The following DDX54 variants were observed in gnomAD, a reference collection of about 807,000 sequenced individuals.
The protein encoded by DDX54 is DEAD-box helicase 54, also known as ATP-dependent RNA helicase DDX54.
DDX54 carries 67 observed loss-of-function variants against 105.5 expected under a neutral mutation model. That is an observed-to-expected ratio of 0.64 (90% confidence interval 0.52 to 0.78). DDX54 has a LOEUF of 0.78. Among genes scored for constraint, DDX54 ranks in the 30% least tolerant of loss-of-function variants. The pLI is 0.00. For missense variants in DDX54, 1,206 were observed against 1,230.5 expected (o/e 0.98, Z 0.30); for synonymous variants, 514 against 509.9 (o/e 1.01, Z -0.11).
At chr12:113,175,257 G>A in intron 7 of DDX54, 100 bp from the exon 8 acceptor site, 1 of 1,462,414 alleles carries the variant, frequency 6.8e-7, no homozygotes, top group African/African-American at 1.4e-5. Flanking sequence ...AGTGTCCCAG[G>A]GCTTGCCTCA....
intron 19 of DDX54, 163 bp from the exon 20 acceptor site, chr12:113,159,272 C>T (rs944707182): frequency 2.1e-5 from 16 of 755,316 alleles, no homozygotes; most frequent in Admixed American, 9.5e-5. Context: ...TTTTAGGCAG[C>T]CTCATGGAGT....
At chr12:113,166,116 C>T in intron 12 of DDX54, 84 bp from the exon 13 acceptor site, 1 of 1,360,702 alleles carries the variant, frequency 7.3e-7, no homozygotes, top group South Asian at 1.3e-5. Context: ...GGGCCTCACC[C>T]TGGCCCCTGA....
In DDX54 at chr12:113,178,574, G is replaced by A. The variant is rs574219760; in HGVS notation, c.614+403C>T. 8.7e-4 allele frequency: 135 copies of A among 154,874 alleles called. 1 individual carries two copies. The highest frequency in any genetic ancestry group is 6.4e-3 in the Middle Eastern group (2 of 312). 9.6% of individuals were successfully genotyped at this position (154,874 alleles called of 1,614,324 possible). A position where few individuals can be genotyped will look rare whatever the true frequency, so the allele number is the denominator to read the frequency against. Reference sequence around the variant, plus strand: ...TTTTTTTTTTTGAGATTGGAGTCTCGCGCTGTCGCCCATGTTGGAGTGCAG... The same window carrying A: ...TTTTTTTTTTTGAGATTGGAGTCTCACGCTGTCGCCCATGTTGGAGTGCAG... On this transcript the variant is annotated intron_variant, in intron 5 of 19. Coordinates refer to ENST00000306014, the MANE Select transcript of DDX54 (RefSeq NM_024072.4).
At chr12:113,180,799 C>G in intron 2 of DDX54, 130 bp downstream of exon 2, 1 of 1,470,076 alleles carries the variant, frequency 6.8e-7, no homozygotes, top group Non-Finnish European at 9.2e-7. Flanking sequence ...GACTGGAGGA[C>G]CACATCTGCT....
In DDX54 at chr12:113,162,011, AGTTGGGAC is replaced by A. The variant is rs1952214744; in HGVS notation, c.2196-22_2196-15del. The A allele has an allele frequency of 1.2e-6, 2 of 1,610,886 alleles. No homozygotes were observed. The highest frequency in any genetic ancestry group is 2.7e-5 in the African/African-American group (2 of 74,596). On this transcript the variant is annotated splice_polypyrimidine_tract_variant and intron_variant, in intron 17 of 19. Coordinates refer to ENST00000306014, the MANE Select transcript of DDX54 (RefSeq NM_024072.4). ...TTCTTACGGTCCCTGCAGGAGAGGG[AGTTGGGAC>A]GGCTGCCGTGGAGGGAAACCCTTGG...
chr12:113,171,016 G>C (rs894797892), intron 11 of DDX54, among the ~76,000 whole-genome samples: 3 of 152,210 alleles, frequency 2.0e-5, no homozygotes, highest in African/African-American at 7.2e-5. Flanking sequence ...AAGGTGTTAT[G>C]ACATTTGGAG....
In DDX54 at chr12:113,178,964, G is replaced by A. The variant is rs1296551315; in HGVS notation, c.614+13C>T. 1.2e-6 allele frequency: 2 copies of A among 1,613,762 alleles called. No homozygotes were observed. Among genetic ancestry groups the A allele is most frequent in the African/African-American group, 1.3e-5 (1 of 74,914 alleles). On this transcript the variant is annotated intron_variant, in intron 5 of 19. Transcript: ENST00000306014. The stretch of plus-strand genomic sequence containing the variant: ...CATGGTGGTGACCCTGGCATGGGGT[G>A]CAGGGACCTTACCTGTCTCCACCCA...
chr12:113,162,020 G>T, intron 17 of DDX54, 23 bp from the exon 18 acceptor site: 1 of 1,609,156 alleles, frequency 6.2e-7, no homozygotes, highest in Non-Finnish European at 8.5e-7. Flanking sequence ...GAGTTGGGAC[G>T]GCTGCCGTGG....
intron 14 of DDX54, 124 bp from the exon 15 acceptor site, chr12:113,164,409 T>G (rs1399230348): frequency 9.0e-6 from 11 of 1,225,510 alleles, no homozygotes; most frequent in Non-Finnish European, 1.2e-5. Context: ...TATCTGCACT[T>G]CACAATTAGA....
chr12:113,159,811 C>G (rs75962736), intron 19 of DDX54, among the ~76,000 whole-genome samples: 1 of 152,076 alleles, frequency 6.6e-6, no homozygotes, highest in South Asian at 2.1e-4. Flanking sequence ...TCTTCTAGTT[C>G]TCCGGGAGGC....
intron 17 of DDX54, 158 bp downstream of exon 17, chr12:113,162,774 G>A (rs1477124794): frequency 7.5e-6 from 5 of 668,482 alleles, no homozygotes; most frequent in Non-Finnish European, 9.7e-6. Context: ...CAGCTCACTC[G>A]ATCACTCACC....
chr12:113,160,319 C>G (rs578251319), intron 19 of DDX54, among the ~76,000 whole-genome samples: 92 of 152,252 alleles, frequency 6.0e-4, no homozygotes, highest in African/African-American at 2.0e-3. Flanking sequence ...GAGAGAGACC[C>G]AAGACATGGT....
At chr12:113,179,593 C>G (rs537852796) in intron 3 of DDX54, among the ~76,000 whole-genome samples, 5 of 152,322 alleles carry the variant, frequency 3.3e-5, no homozygotes, top group Admixed American at 2.0e-4. Context: ...CCCGTCTAGT[C>G]CTCCTCCTCA....
chr12:113,180,419 G>A (rs1952452848), intron 2 of DDX54, among the ~76,000 whole-genome samples: 1 of 152,154 alleles, frequency 6.6e-6, no homozygotes, highest in Non-Finnish European at 1.5e-5. Context: ...TGAGGGCATG[G>A]ATGGGAGCTC....
rs930376012 is a variant in DDX54 at position 113,176,919 on chromosome 12, C to T, written c.673G>A (p.Gly225Arg). Reference sequence around the variant, plus strand: ...TCCACAGCCACATGCACCAACCGTCCGGGCGTGGCAATAATTCTGGAAGAG... The same window carrying T: ...TCCACAGCCACATGCACCAACCGTCTGGGCGTGGCAATAATTCTGGAAGAG... ...ENPDIIIATP[G>R]RLVHVAVEMS... is the part of the protein sequence containing the mutation. The change falls in exon 7 of 20, where the codon GGA becomes AGA. Residue 225 changes from glycine (G) to arginine (R), a missense_variant. Gly to Arg is a moderately radical substitution (Grantham distance 125). Coordinates refer to ENST00000306014, the MANE Select transcript of DDX54 (RefSeq NM_024072.4). The T allele has an allele frequency of 9.9e-6, 16 of 1,614,088 alleles. No individual in the cohort carries two copies. Among genetic ancestry groups the T allele is most frequent in the African/African-American group, 5.3e-5 (4 of 74,930 alleles).
rs555973147 is a variant in DDX54 at position 113,159,065 on chromosome 12, G to T, written c.2458C>A (p.Arg820Ser). The T allele has an allele frequency of 6.2e-7, 1 of 1,608,810 alleles. No individual in the cohort carries two copies. Among genetic ancestry groups the T allele is most frequent in the Admixed American group, 1.7e-5 (1 of 59,754 alleles). Residue 820 changes from arginine to serine, a missense_variant, in exon 20 of 20, where the codon CGC (arginine) becomes AGC (serine). By Grantham distance (110) the Arg-to-Ser change is moderately radical. Around this residue, in one of 3 missense-constraint regions of DDX54, gnomAD observed 961 missense variants for 1,019.1 expected, o/e 0.94. Transcript: ENST00000306014. ...HAPGTPAGRV[R>S]PELKTKQQIL... ...TGCTGCTTGGTCTTGAGTTCCGGGC[G>T]GACTCGGCCTGCAGGGGTGCCTGGG...
Position 113,163,090 on chromosome 12 carries a change from G to T in DDX54, c.2081+42C>A. 6.2e-7 allele frequency: 1 copy of T among 1,610,538 alleles called. No homozygotes were observed. The highest frequency in any genetic ancestry group is 8.5e-7 in the Non-Finnish European group (1 of 1,179,142). On this transcript the variant is annotated intron_variant, in intron 16 of 19. Coordinates refer to ENST00000306014, the MANE Select transcript of DDX54 (RefSeq NM_024072.4). The surrounding 1 kb of genome is among the most constrained non-coding windows in gnomAD (Gnocchi z 5.9). ...GACATAATTGGATTGATGGGACCCA[G>T]CGGACCCAACTGCCCCACCCAGGAC...
rs528741840 is a variant in DDX54, at chr12:113,158,814, G to T, written c.*63C>A. The T allele has an allele frequency of 1.5e-4, 219 of 1,503,948 alleles. No individual in the cohort carries two copies. The African/African-American group carries it at 2.3e-3, about 16-fold the overall frequency. 93.2% of individuals were successfully genotyped at this position (1,503,948 alleles called of 1,614,324 possible). The stretch of plus-strand genomic sequence containing the variant: ...CAGGGCCAGGCACACAGTGGTGCAC[G>T]GGAACGTCTGCTGATGCCCACCCTA... On this transcript the variant is annotated 3_prime_UTR_variant, in exon 20 of 20. Transcript: ENST00000306014. This position sits in a 1 kb window ranked among gnomAD's most constrained non-coding sequence, Gnocchi z 4.9.
chr12:113,174,775 T>A lies in DDX54; in HGVS notation c.937-4A>T. 1.2e-6 allele frequency: 2 copies of A among 1,613,790 alleles called. No homozygotes were observed. Among genetic ancestry groups the A allele is most frequent in the Non-Finnish European group, 1.7e-6 (2 of 1,179,714 alleles). On this transcript the variant is annotated splice_region_variant and splice_polypyrimidine_tract_variant and intron_variant, in intron 9 of 19. Transcript: ENST00000306014. The stretch of plus-strand genomic sequence containing the variant: ...CCCGCACGAGGAAGAAGGAGGTCTG[T>A]GGGGAGAGGGCATCACGTGTTGGCT...
Sources: allele counts gnomAD v4.1 joint callset (sites outside exome capture counted in the v4.1 genomes callset), GRCh38; gene constraint gnomAD v4.1.1; regional missense constraint gnomAD v4.1.1; non-coding constraint Gnocchi (gnomAD v3.1); transcripts MANE v1.5; gene names NCBI Gene and HGNC (gene_info 2026-07-23, HGNC 2026-07-21).